Variants in KCNC1 observed in about 807,000 individuals in gnomAD.
KCNC1 encodes the protein voltage-gated potassium channel KCNC1.
Under a neutral mutation model 43.4 loss-of-function variants are expected in KCNC1, and 8 were observed. The observed-to-expected ratio is 0.18, with a 90% CI of 0.11 to 0.33. The LOEUF (loss-of-function observed/expected upper bound fraction) is 0.33. KCNC1 is among the 10% of genes least tolerant of loss of function. KCNC1 has a pLI of 1.00. For synonymous variants in KCNC1, 361 were observed against 360.5 expected (o/e 1.00, Z -0.01); for missense variants, 420 against 836.0 (o/e 0.50, Z 6.14).
intron 1 of KCNC1, among the ~76,000 whole-genome samples, chr11:17,756,044 G>C (rs369996711): frequency 6.6e-6 from 1 of 152,176 alleles, no homozygotes; most frequent in South Asian, 2.1e-4. Context: ...GCAAGAAGAA[G>C]GAGGGAGGGA....
At chr11:17,760,302 A>G (rs1273148845) in intron 1 of KCNC1, among the ~76,000 whole-genome samples, 1 of 152,218 alleles carries the variant, frequency 6.6e-6, no homozygotes, top group African/African-American at 2.4e-5. Flanking sequence ...ACAGAAATGT[A>G]GACAGGCGTA....
Position 17,776,333 on chromosome 11 carries a change from C to A in KCNC1, c.1505-3123C>A. 6 of 985,348 alleles carry A rather than the reference C, an allele frequency of 6.1e-6. No individual in the cohort carries two copies. The highest frequency in any genetic ancestry group is 7.2e-6 in the Non-Finnish European group (6 of 829,922). 61.0% of individuals were successfully genotyped at this position (985,348 alleles called of 1,614,324 possible). A position where few individuals can be genotyped will look rare whatever the true frequency, so the allele number is the denominator to read the frequency against. ...TGAGACTTTTTTCCTGAGTCCCCAGCTGGGCAGATCCCTCAGGGCTAAACC... is the reference window on the plus strand; with the variant it reads ...TGAGACTTTTTTCCTGAGTCCCCAGATGGGCAGATCCCTCAGGGCTAAACC... On this transcript the variant is annotated intron_variant, in intron 2 of 3. Coordinates refer to ENST00000265969, the MANE Select transcript of KCNC1 (RefSeq NM_001112741.2). The surrounding 1 kb of genome is among the most constrained non-coding windows in gnomAD (Gnocchi z 4.4).
At chr11:17,745,186 A>G (rs1848883594) in intron 1 of KCNC1, among the ~76,000 whole-genome samples, 1 of 152,110 alleles carries the variant, frequency 6.6e-6, no homozygotes, top group South Asian at 2.1e-4. Flanking sequence ...CAGGACACAG[A>G]GGGCTGGATG....
intron 1 of KCNC1, among the ~76,000 whole-genome samples, chr11:17,766,458 A>T (rs2133800824): frequency 6.6e-6 from 1 of 152,132 alleles, no homozygotes; most frequent in African/African-American, 2.4e-5. Flanking sequence ...GCAGTCCCCT[A>T]ATCTTGCCTG....
intron 2 of KCNC1, chr11:17,775,078 G>A (rs763892743): frequency 1.1e-5 from 11 of 985,426 alleles, no homozygotes; most frequent in South Asian, 4.7e-5. Flanking sequence ...TTGTGGGAGA[G>A]TGAGGGGGAG....
Position 17,782,321 on chromosome 11 carries a change from A to T in KCNC1, c.*587A>T, listed in dbSNP as rs1267384867. On this transcript the variant is annotated 3_prime_UTR_variant, in exon 4 of 4. Transcript: ENST00000265969. ...CATATTGACCTCACCTTCATAGTTC[A>T]TCTCTCACGTGGAAACTGAGAACTT... The T allele has an allele frequency of 1.3e-5, 2 of 152,134 alleles. No individual in the cohort carries two copies. The highest frequency in any genetic ancestry group is 2.9e-5 in the Non-Finnish European group (2 of 68,038). 9.4% of individuals were successfully genotyped at this position (152,134 alleles called of 1,614,324 possible).
intron 1 of KCNC1, among the ~76,000 whole-genome samples, chr11:17,759,199 A>G (rs1055737801): frequency 6.6e-6 from 1 of 152,226 alleles, no homozygotes; most frequent in African/African-American, 2.4e-5. Flanking sequence ...AACCTGATGA[A>G]CCAACTTCTG....
Position 17,773,500 on chromosome 11 carries a change from G to A in KCNC1, c.1504+902G>A, listed in dbSNP as rs558749078. 13 of 983,766 alleles carry A rather than the reference G, an allele frequency of 1.3e-5. No homozygotes were observed. The African/African-American group carries it at 1.8e-4, about 13-fold the overall frequency. 60.9% of individuals were successfully genotyped at this position (983,766 alleles called of 1,614,324 possible). ...CCCGTTTCCAGCGGTAGGGACTGCAGCAGCAATATAGACATCCCAACCAGT... is the reference window on the plus strand; with the variant it reads ...CCCGTTTCCAGCGGTAGGGACTGCAACAGCAATATAGACATCCCAACCAGT... On this transcript the variant is annotated intron_variant, in intron 2 of 3. Coordinates refer to ENST00000265969, the MANE Select transcript of KCNC1 (RefSeq NM_001112741.2). The surrounding 1 kb of genome is among the most constrained non-coding windows in gnomAD (Gnocchi z 4.1).
chr11:17,777,113 T>C lies in KCNC1; in HGVS notation c.1505-2343T>C. 1 of 984,958 alleles carries C rather than the reference T, an allele frequency of 1.0e-6. No homozygotes were observed. Among genetic ancestry groups the C allele is most frequent in the Non-Finnish European group, 1.2e-6 (1 of 829,828 alleles). 61.0% of individuals were successfully genotyped at this position (984,958 alleles called of 1,614,324 possible). A position where few individuals can be genotyped will look rare whatever the true frequency, so the allele number is the denominator to read the frequency against. On this transcript the variant is annotated intron_variant, in intron 2 of 3. Coordinates refer to ENST00000265969, the MANE Select transcript of KCNC1 (RefSeq NM_001112741.2). The surrounding 1 kb of genome is among the most constrained non-coding windows in gnomAD (Gnocchi z 4.3). ...CAAAACCATCCCGAACTTTGGGCCC[T>C]TTAGTGATTGTGAGAGCTGGGAGCC...
At chr11:17,746,842 C>T (rs777932904) in intron 1 of KCNC1, among the ~76,000 whole-genome samples, 27 of 152,290 alleles carry the variant, frequency 1.8e-4, no homozygotes, top group Admixed American at 4.6e-4. Context: ...GCCCCACTAC[C>T]TTCCAGCTGT....
rs1304003852 is a variant in KCNC1, at chr11:17,735,789, A to G, written c.-214A>G. On this transcript the variant is annotated 5_prime_UTR_variant, in exon 1 of 4. Coordinates refer to ENST00000265969, the MANE Select transcript of KCNC1 (RefSeq NM_001112741.2). The surrounding 1 kb of genome is among the most constrained non-coding windows in gnomAD (Gnocchi z 6.7). ...CATCTGGCTCCTAGAGACCCCTGGG[A>G]TCCCGCGCACATTCCCCTGGACCGG... 6.4e-6 allele frequency: 3 copies of G among 466,352 alleles called. No homozygotes were observed. Among genetic ancestry groups the G allele is most frequent in the African/African-American group, 6.3e-5 (3 of 47,882 alleles). The allele number at this position is 466,352 out of a possible 1,614,324, so 28.9% of individuals were successfully genotyped here.
At chr11:17,745,268 G>A (rs1322476605) in intron 1 of KCNC1, among the ~76,000 whole-genome samples, 1 of 152,162 alleles carries the variant, frequency 6.6e-6, no homozygotes, top group Admixed American at 6.5e-5. Flanking sequence ...ATGGCAGGGG[G>A]ACTGGGCCTG....
Position 17,736,916 on chromosome 11 carries a change from C to A in KCNC1, c.570+344C>A, listed in dbSNP as rs1249932925. Reference sequence around the variant, plus strand: ...GAATGAGTGAGCATGTGTGTATGTTCGAGTGTGCATGAGCGCCTGCCCGTG... The same window carrying A: ...GAATGAGTGAGCATGTGTGTATGTTAGAGTGTGCATGAGCGCCTGCCCGTG... On this transcript the variant is annotated intron_variant, in intron 1 of 3. Transcript: ENST00000265969. The surrounding 1 kb of genome is among the most constrained non-coding windows in gnomAD (Gnocchi z 9.3). Among the ~76,000 whole-genome samples, 3 of 152,052 alleles carry A rather than the reference C, an allele frequency of 2.0e-5. No individual in the cohort carries two copies. The highest frequency in any genetic ancestry group is 7.2e-5 in the African/African-American group (3 of 41,388).
At chr11:17,775,172 A>G in intron 2 of KCNC1, 1 of 985,526 alleles carries the variant, frequency 1.0e-6, no homozygotes, top group Non-Finnish European at 1.2e-6. Context: ...TTCCAGTCTC[A>G]CTGTACCCCC....
chr11:17,774,293 C>T (rs1038557945), intron 2 of KCNC1: 32 of 985,370 alleles, frequency 3.2e-5, no homozygotes, highest in Non-Finnish European at 3.7e-5. Flanking sequence ...TGGCCCAGGC[C>T]CCAGCTTCCA....
Position 17,750,169 on chromosome 11 carries a change from C to G in KCNC1, c.570+13597C>G, listed in dbSNP as rs530077606. ...TTGTATTTCACAGGCTGTGGTGGGT[C>G]TCAGAGGGGCAAAGCCCCCAGCACC... On this transcript the variant is annotated intron_variant, in intron 1 of 3. Coordinates refer to ENST00000265969, the MANE Select transcript of KCNC1 (RefSeq NM_001112741.2). Among the ~76,000 whole-genome samples, 287 of 152,294 alleles carry G rather than the reference C, an allele frequency of 1.9e-3. 1 individual carries two copies. Among genetic ancestry groups the G allele is most frequent in the Middle Eastern group, 6.8e-3 (2 of 294 alleles).
chr11:17,754,192 C>T (rs2299637), intron 1 of KCNC1, among the ~76,000 whole-genome samples: 3 of 151,096 alleles, frequency 2.0e-5, no homozygotes, highest in Middle Eastern at 3.5e-3. Context: ...GTAGATACGG[C>T]TCTGCTCTCA....
intron 1 of KCNC1, among the ~76,000 whole-genome samples, chr11:17,751,318 G>T (rs1313467043): frequency 1.3e-5 from 2 of 152,236 alleles, no homozygotes; most frequent in Non-Finnish European, 2.9e-5. Context: ...CGGATATGTG[G>T]ATGGATACAA....
intron 1 of KCNC1, among the ~76,000 whole-genome samples, chr11:17,769,180 T>C (rs1490885542): frequency 2.0e-5 from 3 of 152,158 alleles, no homozygotes; most frequent in Non-Finnish European, 4.4e-5. Flanking sequence ...GTCCACTGCA[T>C]TGTACTTGTC....
Sources: allele counts gnomAD v4.1 joint callset (sites outside exome capture counted in the v4.1 genomes callset), GRCh38; gene constraint gnomAD v4.1.1; non-coding constraint Gnocchi (gnomAD v3.1); transcripts MANE v1.5; gene names NCBI Gene and HGNC (gene_info 2026-07-23, HGNC 2026-07-21).